Variants in SYT1 observed in about 807,000 individuals in gnomAD.
SYT1 encodes synaptotagmin 1.
A neutral mutation model predicts 44.8 loss-of-function variants in SYT1; 8 were observed. The observed-to-expected ratio is 0.18, with a 90% confidence interval of 0.10 to 0.32. The LOEUF (loss-of-function observed/expected upper bound fraction) is 0.32. Among genes scored for constraint, SYT1 ranks in the 10% least tolerant of loss-of-function variants. SYT1 has a pLI of 1.00. For missense variants in SYT1, 286 were observed against 509.3 expected, an observed-to-expected ratio of 0.56 and a Z score of 4.22; for synonymous variants, 154 against 188.8, an observed-to-expected ratio of 0.82 and a Z score of 1.51.
intron 2 of SYT1, among the ~76,000 whole-genome samples, chr12:78,979,377 A>G (rs1210488911): frequency 6.6e-6 from 1 of 152,114 alleles, no homozygotes; most frequent in Admixed American, 6.6e-5. Context: ...TCTAAAGCCA[A>G]CCTACAAAAA....
At chr12:79,279,728 G>C (rs1592925551) in intron 4 of SYT1, among the ~76,000 whole-genome samples, 2 of 152,128 alleles carry the variant, frequency 1.3e-5, no homozygotes, top group South Asian at 4.1e-4. Flanking sequence ...TCTGTTGGCT[G>C]TTGATATAAA....
intron 2 of SYT1, among the ~76,000 whole-genome samples, chr12:79,039,345 G>A (rs1477674822): frequency 6.6e-6 from 1 of 151,938 alleles, no homozygotes; most frequent in East Asian, 1.9e-4. Flanking sequence ...AAACATAAAA[G>A]TATCAAGCCT....
chr12:79,169,821 T>A (rs906540394), intron 3 of SYT1, among the ~76,000 whole-genome samples: 5 of 152,058 alleles, frequency 3.3e-5, no homozygotes, highest in Non-Finnish European at 1.5e-5. Context: ...TACCCATTAG[T>A]TATTTTTCCT....
intron 3 of SYT1, among the ~76,000 whole-genome samples, chr12:79,167,263 C>A (rs1871272962): frequency 6.6e-6 from 1 of 151,938 alleles, no homozygotes; most frequent in Admixed American, 6.6e-5. Context: ...TGGGTATCTA[C>A]AAGATATAAA....
At chr12:79,197,386 G>T (rs990451399) in intron 3 of SYT1, among the ~76,000 whole-genome samples, 2 of 152,082 alleles carry the variant, frequency 1.3e-5, no homozygotes, top group African/African-American at 4.8e-5. Context: ...AGGGTGGGGA[G>T]GAAATTAGGA....
intron 9 of SYT1, among the ~76,000 whole-genome samples, chr12:79,391,909 C>T (rs982201280): frequency 1.3e-5 from 2 of 152,214 alleles, no homozygotes; most frequent in South Asian, 2.1e-4. Flanking sequence ...GCCAGTATCA[C>T]GGTAATTTTG....
chr12:79,214,962 T>C (rs1874694460), intron 3 of SYT1, among the ~76,000 whole-genome samples: 1 of 151,784 alleles, frequency 6.6e-6, no homozygotes, highest in South Asian at 2.1e-4. Flanking sequence ...TGTGTGTGTG[T>C]GTGTGTGTGT....
chr12:79,323,539 G>A (rs1249604603), intron 8 of SYT1, among the ~76,000 whole-genome samples: 1 of 152,166 alleles, frequency 6.6e-6, no homozygotes, highest in African/African-American at 2.4e-5. Flanking sequence ...CGTCAGTCCA[G>A]AGATGTGAAA....
At chr12:79,011,899 A>C (rs2137574783) in intron 2 of SYT1, among the ~76,000 whole-genome samples, 1 of 152,184 alleles carries the variant, frequency 6.6e-6, no homozygotes, top group East Asian at 1.9e-4. Flanking sequence ...TGCGGGGCTG[A>C]GGCGGGTGAA....
At chr12:78,869,400 A>G (rs1056747416) in intron 1 of SYT1, among the ~76,000 whole-genome samples, 1 of 151,996 alleles carries the variant, frequency 6.6e-6, no homozygotes, top group African/African-American at 2.4e-5. Context: ...TACCTATTAG[A>G]AGAGAGCATG....
chr12:79,109,581 G>T (rs560842688), intron 3 of SYT1, among the ~76,000 whole-genome samples: 1 of 152,282 alleles, frequency 6.6e-6, no homozygotes, highest in South Asian at 2.1e-4. Flanking sequence ...AAACCCAAAT[G>T]ATGTACTATA....
At chr12:79,365,506 T>C (rs1356302535) in intron 9 of SYT1, among the ~76,000 whole-genome samples, 1 of 152,002 alleles carries the variant, frequency 6.6e-6, no homozygotes, top group Non-Finnish European at 1.5e-5. Context: ...ATAAATGAAT[T>C]TGAAAGATGA....
At chr12:79,118,892 T>C (rs1879440353) in intron 3 of SYT1, among the ~76,000 whole-genome samples, 1 of 152,204 alleles carries the variant, frequency 6.6e-6, no homozygotes, top group Non-Finnish European at 1.5e-5. Context: ...TTTTCCACTG[T>C]TACCTTTCTT....
intron 4 of SYT1, among the ~76,000 whole-genome samples, chr12:79,268,976 T>C (rs1878275330): frequency 6.6e-6 from 1 of 151,994 alleles, no homozygotes; most frequent in African/African-American, 2.4e-5. Flanking sequence ...AGAAACGGTG[T>C]CTTCCAAATA....
At chr12:79,443,808 A>G (rs1593072004) in intron 9 of SYT1, among the ~76,000 whole-genome samples, 1 of 152,182 alleles carries the variant, frequency 6.6e-6, no homozygotes, top group South Asian at 2.1e-4. Context: ...CTGCATGTTA[A>G]GACTTTTTAT....
At chr12:79,118,870 T>A (rs1298987644) in intron 3 of SYT1, among the ~76,000 whole-genome samples, 1 of 152,210 alleles carries the variant, frequency 6.6e-6, no homozygotes, top group Non-Finnish European at 1.5e-5. Flanking sequence ...CTGATTACTC[T>A]CAAATCCATT....
chr12:79,176,344 ATGATGGCAGTG>A (rs1317444207), intron 3 of SYT1, among the ~76,000 whole-genome samples: 1 of 151,978 alleles, frequency 6.6e-6, no homozygotes, highest in African/African-American at 2.4e-5. Flanking sequence ...ATTGATGTAA[ATGATGGCAGTG>A]TCTGCAGATT....
chr12:79,155,291 G>A (rs565288496), intron 3 of SYT1, among the ~76,000 whole-genome samples: 2 of 152,298 alleles, frequency 1.3e-5, no homozygotes, highest in East Asian at 3.9e-4. Context: ...AGAATGGGCT[G>A]CCAAGAGGGA....
At chr12:79,108,355 A>G (rs1239298794) in intron 3 of SYT1, among the ~76,000 whole-genome samples, 1 of 152,096 alleles carries the variant, frequency 6.6e-6, no homozygotes, top group African/African-American at 2.4e-5. Flanking sequence ...ATATGTAAAC[A>G]TATGTATCAC....
Sources: gnomAD v4.1 joint callset for allele counts (sites outside exome capture counted in the v4.1 genomes callset) on GRCh38, gnomAD v4.1.1 for gene constraint, MANE v1.5 for transcripts, NCBI Gene and HGNC (gene_info 2026-07-23, HGNC 2026-07-21) for gene names.